Variants in TCERG1L observed in about 807,000 individuals in gnomAD.
TCERG1L encodes the protein transcription elongation regulator 1 like.
In TCERG1L, 37 loss-of-function variants were observed where a neutral mutation model predicts 56.3. The observed-to-expected ratio is 0.66, with a 90% CI of 0.51 to 0.87. TCERG1L has a LOEUF of 0.87. Among genes scored for constraint, TCERG1L ranks in the 40% least tolerant of loss-of-function variants. The pLI is 0.00. For missense variants in TCERG1L, 799 were observed against 774.2 expected (o/e 1.03, Z -0.38); for synonymous variants, 324 against 326.3 (o/e 0.99, Z 0.08).
At chr10:131,197,625 C>T (rs1020933604) in intron 4 of TCERG1L, among the ~76,000 whole-genome samples, 1 of 152,190 alleles carries the variant, frequency 6.6e-6, no homozygotes, top group African/African-American at 2.4e-5. Context: ...ATATCCCAGT[C>T]TTCACCAACA....
At chr10:131,173,584 T>G (rs1197413396) in intron 4 of TCERG1L, among the ~76,000 whole-genome samples, 1 of 152,206 alleles carries the variant, frequency 6.6e-6, no homozygotes, top group Non-Finnish European at 1.5e-5. Flanking sequence ...GCGTGCCATC[T>G]TCATGCTGAG....
intron 4 of TCERG1L, among the ~76,000 whole-genome samples, chr10:131,176,845 C>CACACAG (rs766078845): frequency 1.2e-4 from 1 of 8,590 alleles, no homozygotes; most frequent in African/African-American, 5.1e-4. Flanking sequence ...CACACAGGCA[C>CACACAG]ATAGGAACAC....
chr10:131,176,904 T>TCA (rs143667318), intron 4 of TCERG1L, among the ~76,000 whole-genome samples: 144,798 of 145,616 alleles, frequency 0.99, 72,001 homozygotes, highest in Non-Finnish European at 1. Context: ...ACAGACACAT[T>TCA]CACACACCAA....
chr10:131,101,468 CAG>C (rs1021067468), intron 10 of TCERG1L, among the ~76,000 whole-genome samples: 1 of 152,232 alleles, frequency 6.6e-6, no homozygotes, highest in Non-Finnish European at 1.5e-5. Flanking sequence ...ATCCATGGCA[CAG>C]AGAGAGAACA....
At chr10:131,154,035 G>A (rs778182717) in intron 6 of TCERG1L, among the ~76,000 whole-genome samples, 9 of 152,174 alleles carry the variant, frequency 5.9e-5, no homozygotes, top group East Asian at 1.9e-4. Flanking sequence ...GCTGTAACAC[G>A]CAGAATTAAT....
At chr10:131,159,092 G>A (rs776959454) in intron 6 of TCERG1L, among the ~76,000 whole-genome samples, 7 of 152,224 alleles carry the variant, frequency 4.6e-5, no homozygotes, top group Admixed American at 1.3e-4. Context: ...GACCTTCTGC[G>A]GGGCAGGTGG....
chr10:131,244,404 G>A (rs1407623526), intron 4 of TCERG1L, among the ~76,000 whole-genome samples: 3 of 152,194 alleles, frequency 2.0e-5, no homozygotes, highest in African/African-American at 7.2e-5. Flanking sequence ...TTCAGAACAG[G>A]CAGCCCTGGG....
At chr10:131,308,712 A>C (rs1846843160) in intron 2 of TCERG1L, among the ~76,000 whole-genome samples, 1 of 152,334 alleles carries the variant, frequency 6.6e-6, no homozygotes, top group African/African-American at 2.4e-5. Context: ...TTACTTCTTT[A>C]GTTTCCTTGT....
At chr10:131,120,046 C>T (rs1845497744) in intron 8 of TCERG1L, among the ~76,000 whole-genome samples, 1 of 152,186 alleles carries the variant, frequency 6.6e-6, no homozygotes, top group South Asian at 2.1e-4. Context: ...TCCCTGCCTT[C>T]TTCCCTTCTG....
At chr10:131,211,411 T>G (rs1462974182) in intron 4 of TCERG1L, among the ~76,000 whole-genome samples, 1 of 152,214 alleles carries the variant, frequency 6.6e-6, no homozygotes, top group Non-Finnish European at 1.5e-5. Flanking sequence ...GGCAAAGGGC[T>G]TCCTACTACA....
At chr10:131,171,963 C>T (rs577311704) in intron 4 of TCERG1L, among the ~76,000 whole-genome samples, 1 of 152,306 alleles carries the variant, frequency 6.6e-6, no homozygotes, top group South Asian at 2.1e-4. Flanking sequence ...TCTAACTCAT[C>T]AAAAAGTTAT....
rs1055968473 is a variant in TCERG1L at position 131,267,998 on chromosome 10, C to T, written c.671-7554G>A. 7.2e-5 allele frequency among the ~76,000 whole-genome samples: 11 copies of T among 152,194 alleles called. No homozygotes were observed. Among genetic ancestry groups the T allele is most frequent in the African/African-American group, 2.7e-4 (11 of 41,450 alleles). On this transcript the variant is annotated intron_variant, in intron 3 of 11. Coordinates refer to ENST00000368642, the MANE Select transcript of TCERG1L (RefSeq NM_174937.4). The surrounding 1 kb of genome is among the most constrained non-coding windows in gnomAD (Gnocchi z 4.9). ...CTGGGAGCGAATTGCAGGCCCTGGG[C>T]CCAGCTGCCAGGAGTGCCAGGCTCA...
At chr10:131,120,733 C>A (rs1845504268) in intron 8 of TCERG1L, among the ~76,000 whole-genome samples, 1 of 152,190 alleles carries the variant, frequency 6.6e-6, no homozygotes, top group Non-Finnish European at 1.5e-5. Context: ...ATGCCTTCAG[C>A]CCCAGCATGC....
chr10:131,299,800 T>C (rs1047739340), intron 3 of TCERG1L, among the ~76,000 whole-genome samples: 2 of 152,164 alleles, frequency 1.3e-5, no homozygotes, highest in African/African-American at 4.8e-5. Context: ...ACAATAGCCT[T>C]ACAATTCCAC....
At chr10:131,122,871 G>GTGTCAGAA (rs1327128691) in intron 8 of TCERG1L, among the ~76,000 whole-genome samples, 1 of 152,196 alleles carries the variant, frequency 6.6e-6, no homozygotes, top group African/African-American at 2.4e-5. Context: ...TGGGTGGTTG[G>GTGTCAGAA]TGTCAGAATT....
intron 3 of TCERG1L, among the ~76,000 whole-genome samples, chr10:131,278,521 T>G (rs548884014): frequency 2.6e-5 from 4 of 151,342 alleles, no homozygotes. Context: ...TTTTGTATTG[T>G]TAGTAGAGAC....
intron 2 of TCERG1L, 149 bp from the exon 3 acceptor site, chr10:131,308,540 T>A: frequency 2.9e-6 from 2 of 693,548 alleles, no homozygotes; most frequent in Non-Finnish European, 4.7e-6. Context: ...TTCTAAAACT[T>A]AAAGAAGTTC....
chr10:131,208,994 G>C (rs1252204964), intron 4 of TCERG1L, among the ~76,000 whole-genome samples: 4 of 149,278 alleles, frequency 2.7e-5, no homozygotes, highest in Admixed American at 1.3e-4. Flanking sequence ...GGAGGTGGAG[G>C]TTGCAGTGAG....
chr10:131,144,841 G>A (rs757210590), intron 7 of TCERG1L, among the ~76,000 whole-genome samples: 4 of 152,130 alleles, frequency 2.6e-5, no homozygotes, highest in Non-Finnish European at 5.9e-5. Context: ...GAAGGAGACG[G>A]AGCATCGAGC....
Sources: gnomAD v4.1 joint callset for allele counts (sites outside exome capture counted in the v4.1 genomes callset) on GRCh38, gnomAD v4.1.1 for gene constraint, Gnocchi (gnomAD v3.1) non-coding constraint, MANE v1.5 for transcripts, NCBI Gene and HGNC (gene_info 2026-07-23, HGNC 2026-07-21) for gene names.